The following EHD1 variants were observed in gnomAD, a reference collection of about 807,000 sequenced individuals.
EHD1 encodes EH domain containing 1, also known as EH domain-containing protein 1.
Under a neutral mutation model 39.0 loss-of-function variants are expected in EHD1, and 19 were observed. The observed-to-expected ratio is 0.49, with a 90% confidence interval of 0.34 to 0.72. EHD1 has a LOEUF of 0.72. Ranked by LOEUF, EHD1 falls within the 30% of genes least tolerant of loss-of-function variation. The pLI is 0.01. For synonymous variants in EHD1, 323 were observed against 331.2 expected (o/e 0.98, Z 0.27); for missense variants, 542 against 751.5 (o/e 0.72, Z 3.26).
Position 64,860,239 on chromosome 11 carries a change from G to C in EHD1, c.600C>G (p.Phe200Leu). The change falls in exon 3 of 5, where the codon TTC becomes TTG. Residue 200 changes from phenylalanine (F) to leucine (L), a missense_variant. Phe to Leu is a conservative substitution (Grantham distance 22). Coordinates refer to ENST00000320631, the MANE Select transcript of EHD1 (RefSeq NM_006795.4). ...TCTTCAGAGCCTTGATCACTTCCGA[G>C]AACTCATCGGAGATGTCCAGCTTGT... ...DAHKLDISDE[F>L]SEVIKALKNH... 1 of 1,614,108 alleles carries C rather than the reference G, an allele frequency of 6.2e-7. No homozygotes were observed. The highest frequency in any genetic ancestry group is 8.5e-7 in the Non-Finnish European group (1 of 1,180,038).
rs1943641193 is a variant in EHD1, at chr11:64,855,494, G to A, written c.916-8C>T. On this transcript the variant is annotated splice_polypyrimidine_tract_variant and splice_region_variant and intron_variant, in intron 3 of 4. Transcript: ENST00000320631. ...GATGATGTAGGCGTGAACCTGTGAG[G>A]ACGGGGTGAGCATCAGGCGCTCTCT... 1 of 1,613,608 alleles carries A rather than the reference G, an allele frequency of 6.2e-7. No homozygotes were observed. The highest frequency in any genetic ancestry group is 1.3e-5 in the African/African-American group (1 of 75,014).
chr11:64,855,540 A>G lies in EHD1; in HGVS notation c.916-54T>C, dbSNP rs1025792371. The stretch of plus-strand genomic sequence containing the variant: ...TCTCTTGGCCCAGGCTGCCCCCGAG[A>G]GCAGAGCCTCCAAGGACACTCCAAG... On this transcript the variant is annotated intron_variant, in intron 3 of 4. Coordinates refer to ENST00000320631, the MANE Select transcript of EHD1 (RefSeq NM_006795.4). 3.1e-6 allele frequency: 5 copies of G among 1,605,970 alleles called. No individual in the cohort carries two copies. In the African/African-American group the frequency reaches 5.4e-5, roughly 17 times the overall value.
intron 4 of EHD1, 43 bp from the exon 5 acceptor site, chr11:64,854,900 C>T (rs768615107): frequency 1.9e-6 from 3 of 1,578,694 alleles, no homozygotes; most frequent in Non-Finnish European, 2.6e-6. Context: ...AAGGGAGGCC[C>T]CTCCCAGACT....
At chr11:64,863,511 A>G (rs1383541698) in intron 2 of EHD1, among the ~76,000 whole-genome samples, 2 of 152,234 alleles carry the variant, frequency 1.3e-5, no homozygotes, top group Non-Finnish European at 2.9e-5. Flanking sequence ...AAAGCCCTCC[A>G]GGACAAAGGC....
At chr11:64,862,401 T>G (rs768317591) in intron 2 of EHD1, among the ~76,000 whole-genome samples, 9 of 152,222 alleles carry the variant, frequency 5.9e-5, no homozygotes, top group Non-Finnish European at 1.0e-4. Flanking sequence ...CCAGCCTCCT[T>G]CAGCAGAATG....
intron 2 of EHD1, among the ~76,000 whole-genome samples, chr11:64,872,268 CTGGCCAACA>C (rs769745388): frequency 1.3e-5 from 2 of 152,188 alleles, no homozygotes; most frequent in Non-Finnish European, 2.9e-5. Context: ...CAAGACCAGC[CTGGCCAACA>C]TGGCGAAACC....
Position 64,878,273 on chromosome 11 carries a change from C to T in EHD1, c.192G>A (p.Val64=), listed in dbSNP as rs753876025. The change falls in exon 1 of 5, where the codon GTG becomes GTA. Residue 64 remains valine (V), a synonymous_variant. Coordinates refer to ENST00000320631, the MANE Select transcript of EHD1 (RefSeq NM_006795.4). ...DFDNKPMVLL[V]GQYSTGKTTF... ...TGGTCTTGCCCGTGCTGTACTGCCC[C>T]ACGAGGAGCACCATAGGCTTGTTGT... 6.2e-6 allele frequency: 10 copies of T among 1,614,208 alleles called. No homozygotes were observed. Among genetic ancestry groups the T allele is most frequent in the Non-Finnish European group, 7.6e-6 (9 of 1,180,030 alleles).
rs1179566413 is a variant in EHD1 at position 64,853,459 on chromosome 11, G to GC, written c.*873dup. On this transcript the variant is annotated 3_prime_UTR_variant, in exon 5 of 5. Coordinates refer to ENST00000320631, the MANE Select transcript of EHD1 (RefSeq NM_006795.4). ...GACCACCCTTCCTCAGCCAGGAAAT[G>GC]CAACACTGGGGTCCAGGAACGGGGT... 6.6e-6 allele frequency: 1 copy of GC among 152,390 alleles called. No homozygotes were observed. Among genetic ancestry groups the GC allele is most frequent in the Non-Finnish European group, 1.5e-5 (1 of 68,078 alleles). The allele number at this position is 152,390 out of a possible 1,614,324, so 9.4% of individuals were successfully genotyped here.
upstream of EHD1, chr11:64,878,969 T>C: frequency 3.0e-6 from 3 of 1,003,236 alleles, no homozygotes; most frequent in Non-Finnish European, 3.6e-6. Flanking sequence ...CCCCGCGGGA[T>C]GGCTCCACGA....
intron 2 of EHD1, among the ~76,000 whole-genome samples, chr11:64,866,856 C>A (rs751831011): frequency 6.6e-6 from 1 of 152,060 alleles, no homozygotes; most frequent in African/African-American, 2.4e-5. Flanking sequence ...AGGACAGATA[C>A]GGCACTGTAG....
At chr11:64,877,074 G>A (rs780988966) in intron 1 of EHD1, among the ~76,000 whole-genome samples, 46 of 152,248 alleles carry the variant, frequency 3.0e-4, no homozygotes, top group Non-Finnish European at 5.1e-4. Flanking sequence ...CTCTTCGCTG[G>A]TGCAGAATTA....
rs199557517 is a variant in EHD1 at position 64,854,796 on chromosome 11, G to A, written c.1142C>T (p.Thr381Met). ...GTCGTTGGCCAGCATGTCATCCACCGTGTCCAGCAGCTTGGGCTTCAGCGC... is the reference window on the plus strand; with the variant it reads ...GTCGTTGGCCAGCATGTCATCCACCATGTCCAGCAGCTTGGGCTTCAGCGC... ...FQALKPKLLD[T>M]VDDMLANDIA... The change falls in exon 5 of 5, where the codon ACG (threonine) becomes ATG (methionine). Residue 381 changes from threonine to methionine, a missense_variant. Transcript: ENST00000320631. 4.2e-5 allele frequency: 67 copies of A among 1,603,940 alleles called. No individual in the cohort carries two copies. In the Middle Eastern group the frequency reaches 1.3e-3, roughly 32 times the overall value.
Position 64,860,337 on chromosome 11 carries a change from C to A in EHD1, c.503-1G>T. 1.9e-6 allele frequency: 3 copies of A among 1,607,094 alleles called. No individual in the cohort carries two copies. The highest frequency in any genetic ancestry group is 2.6e-6 in the Non-Finnish European group (3 of 1,174,750). The stretch of plus-strand genomic sequence containing the variant: ...TCCAGGACGGCTGCAAAGTCATAGC[C>A]TGGGGGGAAGAGAAGGGAGAGCTCA... On this transcript the variant is annotated splice_acceptor_variant, in intron 2 of 4. Coordinates refer to ENST00000320631, the MANE Select transcript of EHD1 (RefSeq NM_006795.4). LOFTEE classifies it high-confidence loss of function.
intron 3 of EHD1, 60 bp downstream of exon 3, chr11:64,859,864 A>C: frequency 6.5e-7 from 1 of 1,547,668 alleles, no homozygotes; most frequent in South Asian, 1.2e-5. Context: ...CCTGAGTGCC[A>C]GTCTCAGAGC....
upstream of EHD1, chr11:64,879,474 G>T: frequency 7.5e-7 from 1 of 1,338,118 alleles, no homozygotes; most frequent in Non-Finnish European, 1.0e-6. Context: ...ATGTGGGGAA[G>T]AGGGGAAGTG....
Position 64,854,309 on chromosome 11 carries a change from TG to T in EHD1, c.*23del. The T allele has an allele frequency of 6.3e-7, 1 of 1,576,624 alleles. No homozygotes were observed. Among genetic ancestry groups the T allele is most frequent in the Non-Finnish European group, 8.6e-7 (1 of 1,161,820 alleles). On this transcript the variant is annotated 3_prime_UTR_variant, in exon 5 of 5. Transcript: ENST00000320631. ...TCTGCCTCCCGGCCGGGCGTGCAAA[TG>T]GCAGGTGCGGGGCCGGGCGCCATCA...
chr11:64,855,813 A>C (rs1943644910), intron 3 of EHD1: 1 of 347,912 alleles, frequency 2.9e-6, no homozygotes, highest in Admixed American at 4.4e-5. Context: ...AACCCAAAGA[A>C]GGCAATTTGT....
At chr11:64,859,794 C>T (rs909178182) in intron 3 of EHD1, 130 bp downstream of exon 3, 54 of 1,295,492 alleles carry the variant, frequency 4.2e-5, no homozygotes, top group Non-Finnish European at 5.2e-5. Flanking sequence ...TAGAGGGAAA[C>T]AGCGCAGTGC....
In EHD1 at chr11:64,878,275, C is replaced by T; in HGVS notation, c.190G>A (p.Val64Met). ...DFDNKPMVLL[V>M]GQYSTGKTTF... The stretch of plus-strand genomic sequence containing the variant: ...GTCTTGCCCGTGCTGTACTGCCCCA[C>T]GAGGAGCACCATAGGCTTGTTGTCG... Residue 64 changes from valine to methionine, a missense_variant, in exon 1 of 5, where the codon GTG becomes ATG. Physicochemically the swap from Val to Met is conservative, Grantham distance 21. Transcript: ENST00000320631. The T allele has an allele frequency of 2.5e-6, 4 of 1,614,198 alleles. No individual in the cohort carries two copies. Among genetic ancestry groups the T allele is most frequent in the Non-Finnish European group, 3.4e-6 (4 of 1,180,028 alleles).
Sources: allele counts gnomAD v4.1 joint callset (sites outside exome capture counted in the v4.1 genomes callset), GRCh38; gene constraint gnomAD v4.1.1; transcripts MANE v1.5; gene names NCBI Gene and HGNC (gene_info 2026-07-23, HGNC 2026-07-21).